The following BTRC variants were observed in gnomAD, a reference collection of about 807,000 sequenced individuals.
The protein encoded by BTRC is F-box/WD repeat-containing protein 1A.
A neutral mutation model predicts 85.5 loss-of-function variants in BTRC; 42 were observed. That is an observed-to-expected ratio of 0.49 (90% CI 0.38 to 0.64). BTRC has a LOEUF of 0.64. Ranked by LOEUF, BTRC falls within the 30% of genes least tolerant of loss-of-function variation. The pLI is 0.00. For synonymous variants in BTRC, 255 were observed against 263.3 expected (o/e 0.97, Z 0.30); for missense variants, 594 against 743.5 (o/e 0.80, Z 2.34).
intron 1 of BTRC, among the ~76,000 whole-genome samples, chr10:101,424,299 A>G (rs946329111): frequency 6.6e-6 from 1 of 152,216 alleles, no homozygotes; most frequent in Non-Finnish European, 1.5e-5. Flanking sequence ...CTGGGCAGAT[A>G]TGATTATCCT....
At chr10:101,463,802 A>G (rs534074499) in intron 3 of BTRC, among the ~76,000 whole-genome samples, 2 of 152,248 alleles carry the variant, frequency 1.3e-5, no homozygotes, top group Admixed American at 6.5e-5. Flanking sequence ...ACTTCAGTTT[A>G]TATATAGTGT....
At chr10:101,423,538 G>A (rs1944165458) in intron 1 of BTRC, among the ~76,000 whole-genome samples, 1 of 152,182 alleles carries the variant, frequency 6.6e-6, no homozygotes, top group Non-Finnish European at 1.5e-5. Flanking sequence ...TTTGTTAGTA[G>A]TTTATCTCCT....
intron 4 of BTRC, among the ~76,000 whole-genome samples, chr10:101,520,643 ACTT>A (rs1316307795): frequency 3.9e-5 from 6 of 152,188 alleles, no homozygotes; most frequent in African/African-American, 1.4e-4. Flanking sequence ...TTCATGAGGA[ACTT>A]CTTATTTGAC....
rs1245471343 is a variant in BTRC at position 101,392,668 on chromosome 10, T to A, written c.49-37677T>A. Among the ~76,000 whole-genome samples, 6 of 152,030 alleles carry A rather than the reference T, an allele frequency of 3.9e-5. No individual in the cohort carries two copies. In the South Asian group the frequency reaches 1.3e-3, roughly 32 times the overall value. The stretch of plus-strand genomic sequence containing the variant: ...GTGCCCACCACCACACCTGGCTAAT[T>A]TTTTTGTAGTTTTAGTAGAGACAGG... On this transcript the variant is annotated intron_variant, in intron 1 of 14. Transcript: ENST00000370187.
chr10:101,441,584 G>C (rs769894775), intron 2 of BTRC, among the ~76,000 whole-genome samples: 5 of 152,106 alleles, frequency 3.3e-5, no homozygotes, highest in Non-Finnish European at 7.4e-5. Context: ...GGTTCTACTA[G>C]AAAGTTTTTT....
At chr10:101,417,247 A>G (rs1943970782) in intron 1 of BTRC, among the ~76,000 whole-genome samples, 1 of 152,234 alleles carries the variant, frequency 6.6e-6, no homozygotes, top group Non-Finnish European at 1.5e-5. Context: ...TATCTAGTTC[A>G]GGATCACATG....
chr10:101,425,658 T>A (rs1252906564), intron 1 of BTRC, among the ~76,000 whole-genome samples: 1 of 151,756 alleles, frequency 6.6e-6, no homozygotes, highest in Non-Finnish European at 1.5e-5. Context: ...AAAAAAATGT[T>A]TTTTAGCCAG....
intron 1 of BTRC, among the ~76,000 whole-genome samples, chr10:101,406,407 G>A (rs530339037): frequency 6.7e-6 from 1 of 150,110 alleles, no homozygotes; most frequent in East Asian, 2.0e-4. Flanking sequence ...CTCGTGATCC[G>A]CCCGCCTCAG....
intron 1 of BTRC, among the ~76,000 whole-genome samples, chr10:101,395,874 A>G (rs910333436): frequency 2.6e-5 from 4 of 151,958 alleles, no homozygotes; most frequent in African/African-American, 9.7e-5. Context: ...ATATTTGCAT[A>G]TTTTTTCCTT....
At chr10:101,385,163 A>T (rs765088656) in intron 1 of BTRC, among the ~76,000 whole-genome samples, 8 of 151,822 alleles carry the variant, frequency 5.3e-5, no homozygotes, top group Non-Finnish European at 1.2e-4. Flanking sequence ...CCTCCGCTGC[A>T]TTCCAGCCTG....
intron 3 of BTRC, among the ~76,000 whole-genome samples, chr10:101,463,084 C>T (rs374738468): frequency 2.0e-5 from 3 of 149,478 alleles, no homozygotes; most frequent in South Asian, 2.1e-4. Flanking sequence ...CTTGCTCTAT[C>T]GCCCAGGCTG....
chr10:101,525,090 T>G (rs2062170622), intron 5 of BTRC, among the ~76,000 whole-genome samples: 1 of 152,218 alleles, frequency 6.6e-6, no homozygotes, highest in Non-Finnish European at 1.5e-5. Context: ...ACTTTGAATG[T>G]TTTTATCTCA....
At chr10:101,429,316 G>A (rs11191009) in intron 1 of BTRC, among the ~76,000 whole-genome samples, 54,828 of 151,914 alleles carry the variant, frequency 0.36, 10,993 homozygotes, top group Middle Eastern at 0.48. Flanking sequence ...TTACAAAGCT[G>A]TAGCTGCAAT....
chr10:101,406,270 G>A lies in BTRC; in HGVS notation c.49-24075G>A, dbSNP rs552679359. On this transcript the variant is annotated intron_variant, in intron 1 of 14. Coordinates refer to ENST00000370187, the MANE Select transcript of BTRC (RefSeq NM_033637.4). ...CAGCTCACTGCAAGCTCCGCCTCCC[G>A]GGTTCATGCCATTCTCCTGCCTCAG... 1.4e-4 allele frequency among the ~76,000 whole-genome samples: 21 copies of A among 150,900 alleles called. No individual in the cohort carries two copies. In the East Asian group the frequency reaches 2.7e-3, roughly 20 times the overall value.
chr10:101,466,878 C>T (rs1248474350), intron 3 of BTRC, among the ~76,000 whole-genome samples: 1 of 152,136 alleles, frequency 6.6e-6, no homozygotes, highest in African/African-American at 2.4e-5. Context: ...GCGTTCTAAA[C>T]ATTGCCTTGG....
At chr10:101,413,344 C>G (rs867987085) in intron 1 of BTRC, among the ~76,000 whole-genome samples, 1 of 149,988 alleles carries the variant, frequency 6.7e-6, no homozygotes, top group African/African-American at 2.5e-5. Context: ...GACAGAGTCT[C>G]GCTCTGTTGC....
At chr10:101,540,306 CA>C (rs1459501679) in intron 13 of BTRC, among the ~76,000 whole-genome samples, 1 of 152,152 alleles carries the variant, frequency 6.6e-6, no homozygotes, top group Non-Finnish European at 1.5e-5. Context: ...GCATATGGTA[CA>C]AGGTGTAGAT....
chr10:101,498,925 G>A (rs1263988465), intron 4 of BTRC, among the ~76,000 whole-genome samples: 2 of 151,880 alleles, frequency 1.3e-5, no homozygotes, highest in African/African-American at 2.4e-5. Context: ...CCCAGGAGGC[G>A]GAGGTTGCAG....
At chr10:101,406,422 C>T (rs1388168321) in intron 1 of BTRC, among the ~76,000 whole-genome samples, 1 of 151,976 alleles carries the variant, frequency 6.6e-6, no homozygotes, top group Non-Finnish European at 1.5e-5. Context: ...CCTCAGCCTC[C>T]CAAAGTGCTG....
Sources: gnomAD v4.1 joint callset for allele counts (sites outside exome capture counted in the v4.1 genomes callset) on GRCh38, gnomAD v4.1.1 for gene constraint, MANE v1.5 for transcripts, NCBI Gene and HGNC (gene_info 2026-07-23, HGNC 2026-07-21) for gene names.